The following CATSPERT variants were observed in gnomAD, a reference collection of about 807,000 sequenced individuals.
CATSPERT encodes the protein cation channel sperm-associated targeting subunit tau.
the CATSPERT span, among the ~76,000 whole-genome samples, chr2:201,514,089 T>G: frequency 0.29 from 43,555 of 151,824 alleles, 6,609 homozygotes; most frequent in Admixed American, 0.38. Flanking sequence ...AAAAGAAATA[T>G]CTCAAATTGT....
chr2:201,613,344 G>T, the CATSPERT span, among the ~76,000 whole-genome samples: 1 of 152,174 alleles, frequency 6.6e-6, no homozygotes, highest in East Asian at 1.9e-4. Flanking sequence ...GTGCCCCTCT[G>T]AGACAACGCT....
At chr2:201,494,491 G>A in the CATSPERT span, 10 of 1,536,830 alleles carry the variant, frequency 6.5e-6, no homozygotes, top group Non-Finnish European at 1.7e-6. Context: ...ACCCTTTATT[G>A]TATTGATAGT....
chr2:201,595,669 G>A, the CATSPERT span, among the ~76,000 whole-genome samples: 1 of 150,952 alleles, frequency 6.6e-6, no homozygotes, highest in Non-Finnish European at 1.5e-5. Context: ...GCTGCGTGCT[G>A]GGAGAACCAC....
the CATSPERT span, among the ~76,000 whole-genome samples, chr2:201,563,005 T>C: frequency 2.6e-5 from 4 of 151,152 alleles, no homozygotes; most frequent in African/African-American, 7.3e-5. Context: ...ATTGTCATCC[T>C]GGCCCGTTCT....
At chr2:201,618,945 C>G in the CATSPERT span, 2 of 1,613,930 alleles carry the variant, frequency 1.2e-6, no homozygotes, top group Non-Finnish European at 1.7e-6. Context: ...TGTTCTTAGG[C>G]AGGGCCGTCG....
At chr2:201,501,408 A>G in the CATSPERT span, among the ~76,000 whole-genome samples, 1 of 150,514 alleles carries the variant, frequency 6.6e-6, no homozygotes. Flanking sequence ...AAAAAAAAAA[A>G]AAAAAAAAAA....
At chr2:201,558,061 A>G in the CATSPERT span, 4 of 152,340 alleles carry the variant, frequency 2.6e-5, no homozygotes, top group South Asian at 2.1e-4. Context: ...CTAACACATC[A>G]TAACCTGAGC....
At chr2:201,575,062 GA>G in the CATSPERT span, among the ~76,000 whole-genome samples, 3 of 143,902 alleles carry the variant, frequency 2.1e-5, no homozygotes, top group East Asian at 2.1e-4. Flanking sequence ...AGAAGAAGAA[GA>G]AGAAGAGGAG....
At chr2:201,618,996 C>T in the CATSPERT span, 1 of 1,614,094 alleles carries the variant, frequency 6.2e-7, no homozygotes, top group Non-Finnish European at 8.5e-7. Flanking sequence ...AAGCCTCCGA[C>T]CCTTTAATGT....
At chr2:201,575,067 AGAG>A in the CATSPERT span, among the ~76,000 whole-genome samples, 3 of 142,896 alleles carry the variant, frequency 2.1e-5, no homozygotes, top group Admixed American at 7.0e-5. Flanking sequence ...AAGAAGAAGA[AGAG>A]GAGGAAGAGG....
At chr2:201,506,531 A>AT in the CATSPERT span, among the ~76,000 whole-genome samples, 1 of 152,154 alleles carries the variant, frequency 6.6e-6, no homozygotes, top group Non-Finnish European at 1.5e-5. Context: ...TCAGCATTTG[A>AT]TAAAAATTAA....
chr2:201,596,510 CA>C, the CATSPERT span, among the ~76,000 whole-genome samples: 2 of 152,242 alleles, frequency 1.3e-5, no homozygotes, highest in South Asian at 2.1e-4. Context: ...ATCTGTACAA[CA>C]AACCCCCATG....
chr2:201,594,886 T>TG, the CATSPERT span, among the ~76,000 whole-genome samples: 2 of 152,170 alleles, frequency 1.3e-5, no homozygotes, highest in Non-Finnish European at 2.9e-5. Flanking sequence ...TCTTCTAAAT[T>TG]TTTTTCAAAG....
the CATSPERT span, among the ~76,000 whole-genome samples, chr2:201,515,228 T>TAG: frequency 0.033 from 2,574 of 78,906 alleles, 563 homozygotes; most frequent in African/African-American, 0.15. Flanking sequence ...TTTTTTTTTT[T>TAG]TTTTTTTTTT....
chr2:201,523,401 A>G, the CATSPERT span, among the ~76,000 whole-genome samples: 2 of 152,288 alleles, frequency 1.3e-5, 1 homozygote. Context: ...ACCCACTGAA[A>G]TCATCCAGAA....
At chr2:201,581,603 T>TAC in the CATSPERT span, among the ~76,000 whole-genome samples, 1 of 103,512 alleles carries the variant, frequency 9.7e-6, no homozygotes, top group Non-Finnish European at 1.9e-5. Flanking sequence ...TACACATACA[T>TAC]ATTCTGGAAA....
chr2:201,515,669 A>G, the CATSPERT span, among the ~76,000 whole-genome samples: 9 of 152,198 alleles, frequency 5.9e-5, no homozygotes, highest in African/African-American at 2.2e-4. Flanking sequence ...AATTCAATAT[A>G]TAGTCATGTG....
the CATSPERT span, among the ~76,000 whole-genome samples, chr2:201,612,173 A>G: frequency 6.6e-6 from 1 of 152,190 alleles, no homozygotes; most frequent in African/African-American, 2.4e-5. Flanking sequence ...AATTGTCTTC[A>G]TTGAACAGTG....
chr2:201,492,226 T>C, the CATSPERT span: 1 of 1,518,664 alleles, frequency 6.6e-7, no homozygotes, highest in East Asian at 2.5e-5. Context: ...GTGACAGTCA[T>C]CTCTAAAAGG....
Sources: allele counts gnomAD v4.1 joint callset (sites outside exome capture counted in the v4.1 genomes callset), GRCh38; gene constraint gnomAD v4.1.1; transcripts MANE v1.5; gene names NCBI Gene and HGNC (gene_info 2026-07-23, HGNC 2026-07-21).